The following NREP variants were observed in gnomAD, a reference collection of about 807,000 sequenced individuals.
NREP encodes neuronal regeneration related protein.
NREP carries 5 observed loss-of-function variants against 8.6 expected under a neutral mutation model. The ratio of observed to expected loss-of-function variants is 0.58; its 90% CI spans 0.30 to 1.22. NREP has a LOEUF of 1.22. NREP is among the 50% of genes most tolerant of loss of function. The pLI, the probability that NREP is intolerant of heterozygous loss-of-function variation, is 0.07. For synonymous variants in NREP, 27 were observed against 28.0 expected, an observed-to-expected ratio of 0.96 and a Z score of 0.11; for missense variants, 86 against 82.5, an observed-to-expected ratio of 1.04 and a Z score of -0.17.
chr5:111,944,079 T>C (rs968777832), intron 2 of NREP, among the ~76,000 whole-genome samples: 5 of 152,108 alleles, frequency 3.3e-5, no homozygotes, highest in Non-Finnish European at 7.4e-5. Flanking sequence ...TTTGATGAGA[T>C]ATCAGTGAAG....
intron 2 of NREP, among the ~76,000 whole-genome samples, chr5:111,799,263 T>C (rs2112901928): frequency 6.6e-6 from 1 of 152,328 alleles, no homozygotes; most frequent in South Asian, 2.1e-4. Flanking sequence ...TCTTTTTTGG[T>C]TCCATATTAA....
chr5:111,955,653 G>A (rs919534361), intron 2 of NREP, among the ~76,000 whole-genome samples: 3 of 152,070 alleles, frequency 2.0e-5, no homozygotes, highest in South Asian at 2.1e-4. Flanking sequence ...TGAAATACTC[G>A]CTTCCACTCA....
At chr5:111,754,331 TAG>T (rs1750568803) in intron 2 of NREP, among the ~76,000 whole-genome samples, 1 of 152,214 alleles carries the variant, frequency 6.6e-6, no homozygotes, top group Non-Finnish European at 1.5e-5. Flanking sequence ...GCTTGATCTA[TAG>T]AGTTAGTTTT....
chr5:111,967,568 C>A (rs943061907), intron 2 of NREP, among the ~76,000 whole-genome samples: 3 of 152,236 alleles, frequency 2.0e-5, no homozygotes, highest in Non-Finnish European at 4.4e-5. Context: ...ACCATAGCTT[C>A]TTTGCTCCAG....
intron 2 of NREP, among the ~76,000 whole-genome samples, chr5:111,767,108 G>A (rs1052669888): frequency 1.3e-5 from 2 of 152,132 alleles, no homozygotes; most frequent in Admixed American, 6.5e-5. Context: ...AGGAATTTAA[G>A]CAGTCAAGAA....
chr5:111,858,806 C>G (rs561535021), intron 2 of NREP, among the ~76,000 whole-genome samples: 34 of 152,154 alleles, frequency 2.2e-4, no homozygotes, highest in African/African-American at 7.7e-4. Context: ...AAACAAGATT[C>G]CTCTACCATT....
chr5:111,904,316 G>C (rs1343691368), intron 2 of NREP, among the ~76,000 whole-genome samples: 3 of 152,102 alleles, frequency 2.0e-5, no homozygotes, highest in Non-Finnish European at 4.4e-5. Context: ...TAGTATCATA[G>C]CTGTATGATA....
At chr5:111,964,573 T>C (rs1756578631) in intron 2 of NREP, among the ~76,000 whole-genome samples, 3 of 152,060 alleles carry the variant, frequency 2.0e-5, no homozygotes, top group Admixed American at 2.0e-4. Flanking sequence ...TTTGCCCATG[T>C]TGGCCAGGCT....
intron 3 of NREP, 152 bp from the exon 4 acceptor site, chr5:111,731,198 T>C: frequency 1.4e-6 from 1 of 719,590 alleles, no homozygotes; most frequent in South Asian, 1.9e-5. Context: ...AGTTTACATA[T>C]TAAACACAGT....
intron 2 of NREP, among the ~76,000 whole-genome samples, chr5:111,911,269 C>T (rs1002843189): frequency 6.6e-6 from 1 of 152,096 alleles, no homozygotes; most frequent in African/African-American, 2.4e-5. Flanking sequence ...GTGCATAGAA[C>T]AGTGTCTGAC....
At chr5:111,849,052 G>C (rs1308996200) in intron 2 of NREP, among the ~76,000 whole-genome samples, 1 of 152,142 alleles carries the variant, frequency 6.6e-6, no homozygotes, top group Non-Finnish European at 1.5e-5. Context: ...TGCTCAATGA[G>C]CTGATAGTTT....
intron 2 of NREP, among the ~76,000 whole-genome samples, chr5:111,805,715 G>T (rs1237943051): frequency 1.3e-5 from 2 of 152,166 alleles, no homozygotes; most frequent in Non-Finnish European, 2.9e-5. Context: ...CTGACTGAAT[G>T]AATAAATAAA....
At chr5:111,857,141 C>A (rs990205416) in intron 2 of NREP, among the ~76,000 whole-genome samples, 6 of 152,138 alleles carry the variant, frequency 3.9e-5, no homozygotes, top group Admixed American at 2.0e-4. Context: ...TGGAAGCTAG[C>A]CTGCAGGTTT....
intron 2 of NREP, among the ~76,000 whole-genome samples, chr5:111,876,874 T>A (rs559635936): frequency 6.6e-6 from 1 of 152,152 alleles, no homozygotes; most frequent in Non-Finnish European, 1.5e-5. Context: ...AATGAAGAAA[T>A]TGGGGCACAG....
At chr5:111,783,462 C>T (rs976885800) in intron 2 of NREP, among the ~76,000 whole-genome samples, 4 of 152,154 alleles carry the variant, frequency 2.6e-5, no homozygotes, top group South Asian at 2.1e-4. Flanking sequence ...TGGACTGCAA[C>T]GAAATGAAAG....
chr5:111,884,823 C>G (rs919967548), intron 2 of NREP, among the ~76,000 whole-genome samples: 3 of 152,252 alleles, frequency 2.0e-5, no homozygotes, highest in African/African-American at 7.2e-5. Flanking sequence ...TGGGACGTAT[C>G]TCAAAATAAT....
At chr5:111,971,146 A>T (rs528314333) in intron 2 of NREP, among the ~76,000 whole-genome samples, 1 of 152,306 alleles carries the variant, frequency 6.6e-6, no homozygotes, top group Non-Finnish European at 1.5e-5. Flanking sequence ...AGGATTCAAA[A>T]TTGGTATGAG....
intron 2 of NREP, among the ~76,000 whole-genome samples, chr5:111,865,731 A>T: frequency 6.6e-6 from 1 of 152,152 alleles, no homozygotes; most frequent in East Asian, 1.9e-4. Flanking sequence ...GGTAAAGCTG[A>T]ATTCTAATTG....
chr5:111,763,297 T>G (rs1712086606), intron 2 of NREP, among the ~76,000 whole-genome samples: 1 of 152,152 alleles, frequency 6.6e-6, no homozygotes, highest in African/African-American at 2.4e-5. Context: ...AGATGTAAAC[T>G]TAGCAAATTG....
Sources: gnomAD v4.1 joint callset for allele counts (sites outside exome capture counted in the v4.1 genomes callset) on GRCh38, gnomAD v4.1.1 for gene constraint, MANE v1.5 for transcripts, NCBI Gene and HGNC (gene_info 2026-07-23, HGNC 2026-07-21) for gene names.